SRGAP3: variants seen among roughly 807,000 people sequenced by gnomAD.
SRGAP3 encodes SLIT-ROBO Rho GTPase-activating protein 3.
SRGAP3 carries 39 observed loss-of-function variants against 121.1 expected under a neutral mutation model. That is an observed-to-expected ratio of 0.32 (90% CI 0.25 to 0.42). The LOEUF (loss-of-function observed/expected upper bound fraction) is 0.42, where lower values mean the gene tolerates loss of function less well. Among genes scored for constraint, SRGAP3 ranks in the 10% least tolerant of loss-of-function variants. The pLI, the probability that SRGAP3 is intolerant of heterozygous loss-of-function variation, is 1.00. For missense variants in SRGAP3, 1,213 were observed against 1,470.6 expected, an observed-to-expected ratio of 0.82 and a Z score of 2.86; for synonymous variants, 601 against 570.0, an observed-to-expected ratio of 1.05 and a Z score of -0.77.
intron 1 of SRGAP3, among the ~76,000 whole-genome samples, chr3:9,159,464 T>C (rs546175354): frequency 1.3e-5 from 2 of 152,238 alleles, no homozygotes; most frequent in South Asian, 2.1e-4. Context: ...ACTTAACAAA[T>C]AATCAGCAAG....
At chr3:9,120,695 G>A (rs1487166370) in intron 2 of SRGAP3, among the ~76,000 whole-genome samples, 1 of 152,236 alleles carries the variant, frequency 6.6e-6, no homozygotes, top group East Asian at 1.9e-4. Flanking sequence ...TCCCTGGGTT[G>A]TCATCAGGTT....
At chr3:9,242,473 G>A (rs1318597498) in intron 1 of SRGAP3, among the ~76,000 whole-genome samples, 1 of 151,832 alleles carries the variant, frequency 6.6e-6, no homozygotes, top group Non-Finnish European at 1.5e-5. Flanking sequence ...CATCTCTACC[G>A]AAAATACAAA....
At chr3:9,350,334 CATCA>C (rs1409601558) in intron 1 of SRGAP3, among the ~76,000 whole-genome samples, 1 of 152,064 alleles carries the variant, frequency 6.6e-6, no homozygotes, top group East Asian at 1.9e-4. Context: ...CTTATTTAAT[CATCA>C]CAACAAAGAA....
chr3:9,163,576 T>C (rs1422712401), intron 1 of SRGAP3, among the ~76,000 whole-genome samples: 1 of 152,152 alleles, frequency 6.6e-6, no homozygotes, highest in Admixed American at 6.5e-5. Flanking sequence ...AGGCTGCCGC[T>C]GTCAAAGCAG....
chr3:8,984,993 T>C lies in SRGAP3; in HGVS notation c.*526A>G, dbSNP rs1182009103. The C allele has an allele frequency of 4.4e-6, 1 of 228,556 alleles. No homozygotes were observed. 14.2% of individuals were successfully genotyped at this position (228,556 alleles called of 1,614,324 possible). A position where few individuals can be genotyped will look rare whatever the true frequency, so the allele number is the denominator to read the frequency against. ...ACTCGGTGGGAGATGTTTGGTGGCA[T>C]GGATCTGAGGTAAATCTAAGTTTCA... On this transcript the variant is annotated 3_prime_UTR_variant, in exon 22 of 22. Transcript: ENST00000383836.
intron 3 of SRGAP3, among the ~76,000 whole-genome samples, chr3:9,261,930 G>A (rs1330367785): frequency 6.8e-6 from 1 of 147,758 alleles, no homozygotes; most frequent in Non-Finnish European, 1.5e-5. Context: ...AGGTTGAAAT[G>A]CAGGAAAAAA....
intron 1 of SRGAP3, 130 bp from the exon 2 acceptor site, chr3:9,125,047 C>A (rs1239757619): frequency 2.9e-5 from 31 of 1,050,988 alleles, no homozygotes; most frequent in East Asian, 7.7e-5. Flanking sequence ...CCTCTCTGAG[C>A]CCAGCCAGAG....
rs983963462 is a variant in SRGAP3 at position 9,222,638 on chromosome 3, C to A, written c.67+26247G>T. 2.6e-5 allele frequency among the ~76,000 whole-genome samples: 4 copies of A among 152,214 alleles called. No homozygotes were observed. The East Asian group carries it at 7.7e-4, about 29-fold the overall frequency. On this transcript the variant is annotated intron_variant, in intron 1 of 21. Transcript: ENST00000383836. ...CTTTGAATCTTCTTTTTAGCATCTTCTGTTAAGTGCTTTGAAACAAAGGCC... is the reference window on the plus strand; with the variant it reads ...CTTTGAATCTTCTTTTTAGCATCTTATGTTAAGTGCTTTGAAACAAAGGCC...
At chr3:9,056,028 TTTTGTTTTTCTTCAA>T (rs1438978701) in intron 8 of SRGAP3, among the ~76,000 whole-genome samples, 190 bp downstream of exon 8, 1 of 152,186 alleles carries the variant, frequency 6.6e-6, no homozygotes, top group East Asian at 1.9e-4. Context: ...GCCTCCCACC[TTTTGTTTTTCTTCAA>T]TTTAACATCT....
chr3:9,148,091 A>G (rs1950086118), intron 1 of SRGAP3, among the ~76,000 whole-genome samples: 2 of 152,206 alleles, frequency 1.3e-5, no homozygotes, highest in Admixed American at 1.3e-4. Context: ...AGTGTCCAAG[A>G]GAACCTCCAT....
intron 1 of SRGAP3, among the ~76,000 whole-genome samples, chr3:9,149,574 C>G (rs979224998): frequency 1.3e-5 from 2 of 152,192 alleles, no homozygotes; most frequent in African/African-American, 4.8e-5. Flanking sequence ...CTCCAAGATG[C>G]CTTGAGTGTC....
intron 1 of SRGAP3, among the ~76,000 whole-genome samples, chr3:9,159,501 C>A (rs1950534791): frequency 6.6e-6 from 1 of 152,190 alleles, no homozygotes; most frequent in African/African-American, 2.4e-5. Context: ...GCCGCCACAT[C>A]AGTGAGAGAG....
chr3:9,336,503 C>T (rs1312087828), intron 1 of SRGAP3, among the ~76,000 whole-genome samples: 1 of 151,812 alleles, frequency 6.6e-6, no homozygotes, highest in Non-Finnish European at 1.5e-5. Flanking sequence ...GCATGAGACA[C>T]CATGCCTGGC....
At chr3:9,074,191 C>T (rs1328982942) in intron 4 of SRGAP3, among the ~76,000 whole-genome samples, 1 of 152,086 alleles carries the variant, frequency 6.6e-6, no homozygotes, top group Non-Finnish European at 1.5e-5. Context: ...CTCTGGCTGG[C>T]CCAGTGGAGA....
intron 1 of SRGAP3, among the ~76,000 whole-genome samples, chr3:9,161,462 T>C (rs1458669523): frequency 6.6e-6 from 1 of 152,204 alleles, no homozygotes; most frequent in Non-Finnish European, 1.5e-5. Context: ...TCACATTGCC[T>C]CTAAGCTCTG....
rs151329263 is a variant in SRGAP3, at chr3:9,228,767, A to C, written c.67+20118T>G. 1.0e-3 allele frequency among the ~76,000 whole-genome samples: 154 copies of C among 152,358 alleles called. 1 individual carries two copies. The highest frequency in any genetic ancestry group is 3.6e-3 in the African/African-American group (150 of 41,588). On this transcript the variant is annotated intron_variant, in intron 1 of 21. Coordinates refer to ENST00000383836, the MANE Select transcript of SRGAP3 (RefSeq NM_014850.4). ...GGTGATGTTGACACCTAGCAAGCTA[A>C]AAGTCAACTCTAGGCCGGGCGCGGT...
chr3:9,093,141 C>T (rs1947825458), intron 3 of SRGAP3, among the ~76,000 whole-genome samples: 1 of 152,150 alleles, frequency 6.6e-6, no homozygotes, highest in Non-Finnish European at 1.5e-5. Flanking sequence ...ACATTATCTT[C>T]AGGATGACTA....
In SRGAP3 at chr3:8,981,022, G is replaced by T; in HGVS notation, c.*4497C>A. On this transcript the variant is annotated 3_prime_UTR_variant, in exon 22 of 22. Transcript: ENST00000383836. ...AGGAACAGCTTTGTTATTGGCCGGG[G>T]ACAACTCACACAGAAAGGAGGTGTC... The T allele has an allele frequency of 8.6e-6, 2 of 233,260 alleles. No homozygotes were observed. Among genetic ancestry groups the T allele is most frequent in the Non-Finnish European group, 1.7e-5 (2 of 117,860 alleles). The allele number at this position is 233,260 out of a possible 1,614,324, so 14.4% of individuals were successfully genotyped here.
At chr3:9,170,710 G>C (rs1950946974) in intron 1 of SRGAP3, among the ~76,000 whole-genome samples, 1 of 152,196 alleles carries the variant, frequency 6.6e-6, no homozygotes, top group Non-Finnish European at 1.5e-5. Context: ...TGCTCTTATG[G>C]AGCTACTTCA....
Sources: gnomAD v4.1 joint callset for allele counts (sites outside exome capture counted in the v4.1 genomes callset) on GRCh38, gnomAD v4.1.1 for gene constraint, MANE v1.5 for transcripts, NCBI Gene and HGNC (gene_info 2026-07-23, HGNC 2026-07-21) for gene names.